The following DHX15 variants were observed in gnomAD, a reference collection of about 807,000 sequenced individuals.
The protein encoded by DHX15 is DEAH-box helicase 15.
Under a neutral mutation model 94.4 loss-of-function variants are expected in DHX15, and 11 were observed. That is an observed-to-expected ratio of 0.12 (90% CI 0.07 to 0.19). The LOEUF (loss-of-function observed/expected upper bound fraction) is 0.19. DHX15 is among the 10% of genes least tolerant of loss of function. The pLI is 1.00. For missense variants in DHX15, 304 were observed against 988.5 expected (o/e 0.31, Z 9.29); for synonymous variants, 338 against 329.9 (o/e 1.02, Z -0.27).
At chr4:24,561,878 C>G (rs1485900929) in intron 3 of DHX15, among the ~76,000 whole-genome samples, 1 of 152,068 alleles carries the variant, frequency 6.6e-6, no homozygotes, top group Non-Finnish European at 1.5e-5. Flanking sequence ...AGCCCGTAAT[C>G]CCAGCACTTT....
chr4:24,552,506 A>G (rs939379434), intron 5 of DHX15, among the ~76,000 whole-genome samples: 19 of 152,216 alleles, frequency 1.2e-4, no homozygotes, highest in African/African-American at 4.8e-5. Flanking sequence ...TGTTCTTAAA[A>G]ACCAGTTTTA....
chr4:24,583,204 T>C (rs994590221), intron 1 of DHX15, among the ~76,000 whole-genome samples: 2 of 152,232 alleles, frequency 1.3e-5, no homozygotes, highest in Non-Finnish European at 2.9e-5. Flanking sequence ...TTGCCTGAAT[T>C]ATCCAAACAG....
chr4:24,550,110 A>AAAAAAAAAC (rs1721558372), intron 5 of DHX15, among the ~76,000 whole-genome samples: 1 of 147,112 alleles, frequency 6.8e-6, no homozygotes, highest in African/African-American at 2.5e-5. Context: ...AAAAAAAAAA[A>AAAAAAAAAC]AAAAAAAAAA....
intron 5 of DHX15, among the ~76,000 whole-genome samples, chr4:24,550,281 A>G (rs778013123): frequency 2.8e-3 from 431 of 151,950 alleles, no homozygotes; most frequent in Non-Finnish European, 3.4e-3. Flanking sequence ...TTGGCGATAC[A>G]AAATTTATAA....
chr4:24,543,509 T>G (rs1332009520), intron 6 of DHX15, among the ~76,000 whole-genome samples: 2 of 152,094 alleles, frequency 1.3e-5, no homozygotes, highest in African/African-American at 4.8e-5. Flanking sequence ...GGAAAAAAAC[T>G]CAAGTTATAA....
intron 1 of DHX15, among the ~76,000 whole-genome samples, chr4:24,577,046 T>C (rs1447053061): frequency 2.0e-5 from 3 of 152,208 alleles, no homozygotes. Flanking sequence ...TCAATCTTTC[T>C]CAAATTCTCC....
chr4:24,547,265 A>G (rs1271830334), intron 6 of DHX15, among the ~76,000 whole-genome samples: 1 of 152,240 alleles, frequency 6.6e-6, no homozygotes, highest in Non-Finnish European at 1.5e-5. Flanking sequence ...TATAGCCCCT[A>G]GTTTTGAATT....
chr4:24,583,000 A>T (rs1722452848), intron 1 of DHX15, among the ~76,000 whole-genome samples: 1 of 152,292 alleles, frequency 6.6e-6, no homozygotes, highest in African/African-American at 2.4e-5. Flanking sequence ...AAGCCTCAAA[A>T]AGTACACCCT....
At chr4:24,534,700 ATTTAC>A (rs1395602692) in intron 11 of DHX15, among the ~76,000 whole-genome samples, 1 of 152,142 alleles carries the variant, frequency 6.6e-6, no homozygotes, top group African/African-American at 2.4e-5. Flanking sequence ...TCAAAGGGTT[ATTTAC>A]ATAAATAGTA....
chr4:24,582,214 G>C (rs1050694521), intron 1 of DHX15, among the ~76,000 whole-genome samples: 1 of 152,190 alleles, frequency 6.6e-6, no homozygotes, highest in African/African-American at 2.4e-5. Flanking sequence ...AAATGACATA[G>C]AAATGAGTAT....
At chr4:24,541,705 G>T (rs950058495) in intron 8 of DHX15, among the ~76,000 whole-genome samples, 168 bp downstream of exon 8, 1 of 151,996 alleles carries the variant, frequency 6.6e-6, no homozygotes, top group African/African-American at 2.4e-5. Flanking sequence ...TGGAATAAGG[G>T]GGTGTACGAC....
intron 10 of DHX15, chr4:24,539,035 G>A (rs555246152): frequency 1.3e-4 from 20 of 152,194 alleles, no homozygotes; most frequent in African/African-American, 4.6e-4. Context: ...CTCCGCAAAT[G>A]AAGCTACAAT....
intron 6 of DHX15, among the ~76,000 whole-genome samples, chr4:24,547,961 C>T (rs1167450280): frequency 9.3e-6 from 1 of 107,090 alleles, no homozygotes; most frequent in Admixed American, 9.7e-5. Flanking sequence ...ATATCTATAT[C>T]TATCTGCTGA....
chr4:24,531,368 G>A (rs1047086566), intron 12 of DHX15, among the ~76,000 whole-genome samples: 8 of 151,910 alleles, frequency 5.3e-5, no homozygotes, highest in East Asian at 3.9e-4. Flanking sequence ...GATTACAGGC[G>A]TGAGCCACAG....
At chr4:24,583,682 C>A (rs1019770758) in intron 1 of DHX15, among the ~76,000 whole-genome samples, 4 of 152,164 alleles carry the variant, frequency 2.6e-5, no homozygotes, top group African/African-American at 9.7e-5. Flanking sequence ...AGCCTTCCAG[C>A]CCATCAGGTA....
At chr4:24,550,242 A>C (rs1002605720) in intron 5 of DHX15, among the ~76,000 whole-genome samples, 5 of 152,020 alleles carry the variant, frequency 3.3e-5, no homozygotes, top group African/African-American at 1.2e-4. Flanking sequence ...TTCTGTACAG[A>C]ACTGTAGACT....
intron 3 of DHX15, among the ~76,000 whole-genome samples, chr4:24,557,548 C>G (rs1225334184): frequency 6.6e-6 from 1 of 152,140 alleles, no homozygotes; most frequent in Admixed American, 6.5e-5. Context: ...TTCACCTAAA[C>G]TTAATTCTAA....
At position 24,584,349 on chromosome 4, in the gene DHX15, A is replaced by G. The variant is rs1315798803; in HGVS notation, c.45T>C (p.Ser15=). 2.5e-6 allele frequency: 4 copies of G among 1,613,032 alleles called. No homozygotes were observed. Among genetic ancestry groups the G allele is most frequent in the Non-Finnish European group, 3.4e-6 (4 of 1,179,648 alleles). ...CATCGGTCCCCGCACGCTTCTTGCC[A>G]GAGGGGTAATCCTCCCCTAGGTCCA... ...HRLDLGEDYP[S]GKKRAGTDGK... The change falls in exon 1 of 14, where the codon TCT becomes TCC. Residue 15 remains serine, a synonymous_variant. Coordinates refer to ENST00000336812, the MANE Select transcript of DHX15 (RefSeq NM_001358.3).
chr4:24,536,977 G>A, intron 11 of DHX15, 74 bp downstream of exon 11: 1 of 1,459,696 alleles, frequency 6.9e-7, no homozygotes, highest in Non-Finnish European at 9.1e-7. Context: ...ATAAATCAAA[G>A]TGGGACAAAG....
Sources: gnomAD v4.1 joint callset for allele counts (sites outside exome capture counted in the v4.1 genomes callset) on GRCh38, gnomAD v4.1.1 for gene constraint, MANE v1.5 for transcripts, NCBI Gene and HGNC (gene_info 2026-07-23, HGNC 2026-07-21) for gene names.